TMC1: variants seen among roughly 807,000 people sequenced by gnomAD.
TMC1 encodes transmembrane channel like 1.
TMC1 carries 84 observed loss-of-function variants against 105.8 expected under a neutral mutation model. The observed-to-expected ratio is 0.79, with a 90% confidence interval of 0.67 to 0.95. TMC1 has a LOEUF of 0.95. Ranked by LOEUF, TMC1 falls within the 40% of genes least tolerant of loss-of-function variation. The pLI is 0.00. For synonymous variants in TMC1, 315 were observed against 311.5 expected (o/e 1.01, Z -0.12); for missense variants, 817 against 914.1 (o/e 0.89, Z 1.37).
intron 5 of TMC1, among the ~76,000 whole-genome samples, chr9:72,658,586 G>A (rs748403069): frequency 2.0e-5 from 3 of 152,054 alleles, no homozygotes; most frequent in Non-Finnish European, 4.4e-5. Context: ...TAGTACCTAC[G>A]CATAGGAATA....
intron 18 of TMC1, among the ~76,000 whole-genome samples, chr9:72,811,750 G>A (rs1828708965): frequency 6.6e-6 from 1 of 152,160 alleles, no homozygotes; most frequent in African/African-American, 2.4e-5. Context: ...CTTCTTTAAA[G>A]TCTGATGAAG....
At chr9:72,596,167 G>A (rs531843919) in intron 2 of TMC1, among the ~76,000 whole-genome samples, 86 of 152,230 alleles carry the variant, frequency 5.6e-4, no homozygotes, top group Non-Finnish European at 1.1e-3. Context: ...GAGCCACCGC[G>A]CCCAGCCAAC....
intron 1 of TMC1, among the ~76,000 whole-genome samples, chr9:72,557,370 AAAAC>A (rs201461606): frequency 0.061 from 9,223 of 152,226 alleles, 326 homozygotes; most frequent in Middle Eastern, 0.092. Context: ...GACTCTCAAA[AAAAC>A]AAACAAACAA....
chr9:72,745,749 T>C (rs1035090709), intron 10 of TMC1, among the ~76,000 whole-genome samples: 1 of 152,104 alleles, frequency 6.6e-6, no homozygotes, highest in Non-Finnish European at 1.5e-5. Context: ...TAATGCAAAA[T>C]GGGAAGAAAT....
At chr9:72,567,425 CTA>C (rs1213312000) in intron 1 of TMC1, among the ~76,000 whole-genome samples, 1 of 152,124 alleles carries the variant, frequency 6.6e-6, no homozygotes, top group Non-Finnish European at 1.5e-5. Context: ...TCTCATGCCA[CTA>C]TGAAGAAATA....
At chr9:72,635,844 ACTGAATGCTTGCC>A (rs1255878786) in intron 4 of TMC1, among the ~76,000 whole-genome samples, 2 of 152,196 alleles carry the variant, frequency 1.3e-5, no homozygotes, top group Non-Finnish European at 2.9e-5. Flanking sequence ...ATATCACCTC[ACTGAATGCTTGCC>A]CTGAAACACT....
intron 5 of TMC1, among the ~76,000 whole-genome samples, chr9:72,686,726 A>G (rs1033378428): frequency 2.6e-5 from 4 of 152,192 alleles, no homozygotes; most frequent in African/African-American, 7.2e-5. Flanking sequence ...GAAGGCACCT[A>G]AGGAGAATGT....
intron 8 of TMC1, among the ~76,000 whole-genome samples, chr9:72,725,336 T>TGC (rs1564515557): frequency 2.9e-5 from 3 of 101,922 alleles, no homozygotes; most frequent in Non-Finnish European, 5.8e-5. Flanking sequence ...TATATATATA[T>TGC]ATATATATAT....
intron 6 of TMC1, among the ~76,000 whole-genome samples, chr9:72,689,778 C>A (rs1212408590): frequency 6.6e-6 from 1 of 152,064 alleles, no homozygotes; most frequent in Non-Finnish European, 1.5e-5. Flanking sequence ...TTTTTAGCTA[C>A]CATTTGCATG....
chr9:72,704,713 A>G (rs893918308), intron 8 of TMC1, among the ~76,000 whole-genome samples: 18 of 152,182 alleles, frequency 1.2e-4, no homozygotes, highest in Non-Finnish European at 2.2e-4. Context: ...TTGTATATCA[A>G]TACAATTTCA....
intron 20 of TMC1, among the ~76,000 whole-genome samples, chr9:72,821,456 G>A (rs1252525199): frequency 2.6e-5 from 4 of 151,206 alleles, no homozygotes; most frequent in Non-Finnish European, 1.5e-5. Flanking sequence ...GAGCTGAGAT[G>A]GTGCCATTGC....
chr9:72,779,659 A>G (rs1295177709), intron 13 of TMC1, among the ~76,000 whole-genome samples: 2 of 152,344 alleles, frequency 1.3e-5, no homozygotes, highest in South Asian at 4.1e-4. Context: ...TGAGGAAAGA[A>G]TCTCAGAGCT....
At chr9:72,730,235 G>A (rs1005722439) in intron 8 of TMC1, among the ~76,000 whole-genome samples, 34 of 152,074 alleles carry the variant, frequency 2.2e-4, no homozygotes, top group African/African-American at 7.5e-4. Flanking sequence ...TTTTATGGCC[G>A]GCTTTGGGGA....
chr9:72,617,353 G>A (rs910323545), intron 3 of TMC1, among the ~76,000 whole-genome samples: 1 of 151,912 alleles, frequency 6.6e-6, no homozygotes, highest in African/African-American at 2.4e-5. Context: ...TAGTAGAGAC[G>A]GGGTTTCACC....
rs1825950798 is a variant in TMC1 at position 72,660,088 on chromosome 9, T to C, written c.16+11424T>C. 2.6e-5 allele frequency among the ~76,000 whole-genome samples: 4 copies of C among 152,126 alleles called. No individual in the cohort carries two copies. In the South Asian group the frequency reaches 8.3e-4, roughly 32 times the overall value. ...CACTGTGTGGATTGAAGTGGCTTCA[T>C]ACCCTTTTGATGTTAATGTTCTCCT... On this transcript the variant is annotated intron_variant, in intron 5 of 23. Coordinates refer to ENST00000297784, the MANE Select transcript of TMC1 (RefSeq NM_138691.3).
intron 1 of TMC1, among the ~76,000 whole-genome samples, chr9:72,576,621 T>TTC (rs1393619738): frequency 7.2e-6 from 1 of 138,616 alleles, no homozygotes; most frequent in Non-Finnish European, 1.5e-5. Context: ...CCAATTTCTT[T>TTC]TTTTTTTTTT....
At chr9:72,742,594 C>T (rs925288373) in intron 10 of TMC1, 69 bp downstream of exon 10, 2 of 1,297,108 alleles carry the variant, frequency 1.5e-6, no homozygotes, top group African/African-American at 2.9e-5. Flanking sequence ...TTATCAGATG[C>T]CTTTGTCAGT....
intron 10 of TMC1, among the ~76,000 whole-genome samples, chr9:72,743,051 C>A (rs1342609990): frequency 2.0e-5 from 3 of 151,254 alleles, no homozygotes; most frequent in South Asian, 2.1e-4. Flanking sequence ...GCCTGGCCAG[C>A]GTGGTGAATC....
At chr9:72,799,271 T>C (rs1260229086) in intron 17 of TMC1, among the ~76,000 whole-genome samples, 1 of 152,164 alleles carries the variant, frequency 6.6e-6, no homozygotes, top group Non-Finnish European at 1.5e-5. Flanking sequence ...CAGTTGAGTT[T>C]AGCACTGAAT....
Sources: gnomAD v4.1 joint callset for allele counts (sites outside exome capture counted in the v4.1 genomes callset) on GRCh38, gnomAD v4.1.1 for gene constraint, MANE v1.5 for transcripts, NCBI Gene and HGNC (gene_info 2026-07-23, HGNC 2026-07-21) for gene names.